The following HAVCR1 variants were observed in gnomAD, a reference collection of about 807,000 sequenced individuals.
HAVCR1 encodes the protein T cell immunoglobin domain and mucin domain protein 1.
A neutral mutation model predicts 32.0 loss-of-function variants in HAVCR1; 34 were observed. The observed-to-expected ratio is 1.06, with a 90% CI of 0.81 to 1.42. HAVCR1 has a LOEUF of 1.42. Among genes scored for constraint, HAVCR1 ranks in the 40% most tolerant of loss-of-function variants. The pLI is 0.00. For missense variants in HAVCR1, 420 were observed against 442.3 expected, an observed-to-expected ratio of 0.95 and a Z score of 0.45; for synonymous variants, 178 against 170.3, an observed-to-expected ratio of 1.05 and a Z score of -0.35.
chr5:157,057,399 G>C (rs1756242462), intron 2 of HAVCR1, among the ~76,000 whole-genome samples: 1 of 29,622 alleles, frequency 3.4e-5, no homozygotes, highest in Non-Finnish European at 8.7e-5. Flanking sequence ...AAGAAAGAAA[G>C]AAAGAAAGAA....
intron 3 of HAVCR1, among the ~76,000 whole-genome samples, chr5:157,054,205 A>T (rs924854302): frequency 6.6e-6 from 1 of 151,128 alleles, no homozygotes; most frequent in Non-Finnish European, 1.5e-5. Context: ...AAAAAAAAAA[A>T]AAAAAAAACA....
chr5:157,048,448 A>T (rs1440690662), intron 5 of HAVCR1, among the ~76,000 whole-genome samples: 1 of 152,224 alleles, frequency 6.6e-6, no homozygotes, highest in Non-Finnish European at 1.5e-5. Flanking sequence ...TATATTTATC[A>T]CTTACCCCCT....
At chr5:157,038,557 T>A (rs145464242) in intron 6 of HAVCR1, among the ~76,000 whole-genome samples, 57 of 152,322 alleles carry the variant, frequency 3.7e-4, no homozygotes, top group Middle Eastern at 3.4e-3. Flanking sequence ...ATAGGGTTCT[T>A]TGCAAGGGTA....
the HAVCR1 span, among the ~76,000 whole-genome samples, chr5:157,068,801 G>A: frequency 1.3e-4 from 20 of 151,848 alleles, no homozygotes; most frequent in African/African-American, 3.6e-4. Flanking sequence ...TTTTTCAGGC[G>A]GATCTCACTA....
intron 7 of HAVCR1, among the ~76,000 whole-genome samples, chr5:157,036,099 T>C (rs1279419935): frequency 1.3e-5 from 2 of 152,140 alleles, no homozygotes; most frequent in Non-Finnish European, 2.9e-5. Context: ...TCCTAGAACT[T>C]TGGGAGGCCG....
chr5:157,059,700 C>A (rs1447591029), upstream of HAVCR1, among the ~76,000 whole-genome samples: 2 of 152,036 alleles, frequency 1.3e-5, no homozygotes, highest in African/African-American at 2.4e-5. Context: ...AAATTCATTT[C>A]TTGCCAGGCA....
the HAVCR1 span, among the ~76,000 whole-genome samples, chr5:157,066,521 A>AAAG: frequency 6.9e-6 from 1 of 144,222 alleles, no homozygotes. Context: ...AAAAAATAAA[A>AAAG]GTTTTGCAAA....
intron 1 of HAVCR1, chr5:157,058,514 G>C (rs1273587056): frequency 6.6e-6 from 1 of 152,620 alleles, no homozygotes; most frequent in Non-Finnish European, 1.5e-5. Context: ...GCGGTGAGCC[G>C]AGATCGCGCC....
chr5:157,034,704 T>C (rs1335466449), intron 7 of HAVCR1, among the ~76,000 whole-genome samples: 2 of 152,044 alleles, frequency 1.3e-5, no homozygotes, highest in African/African-American at 4.8e-5. Flanking sequence ...CGCAGTGCAT[T>C]TTGTCCCTGG....
intron 2 of HAVCR1, among the ~76,000 whole-genome samples, chr5:157,057,648 G>GAC (rs1184968384): frequency 2.0e-4 from 30 of 152,252 alleles, no homozygotes; most frequent in Admixed American, 1.9e-3. Flanking sequence ...GGCAGCCTGT[G>GAC]ACACACTGTG....
chr5:157,057,801 T>C, intron 2 of HAVCR1, 97 bp downstream of exon 2: 1 of 858,432 alleles, frequency 1.2e-6, no homozygotes, highest in Non-Finnish European at 2.0e-6. Flanking sequence ...TCTACATTAA[T>C]CCACCACCAC....
intron 8 of HAVCR1, among the ~76,000 whole-genome samples, chr5:157,030,359 G>C (rs1289593340): frequency 6.6e-6 from 1 of 152,178 alleles, no homozygotes; most frequent in Non-Finnish European, 1.5e-5. Context: ...GTATACACTG[G>C]ATCATAGTGT....
chr5:157,053,382 TA>T (rs10654856), intron 3 of HAVCR1, among the ~76,000 whole-genome samples: 24 of 116,774 alleles, frequency 2.1e-4, no homozygotes, highest in Non-Finnish European at 2.2e-4. Context: ...GACCCTGTCT[TA>T]AAAAAAAAAA....
chr5:157,041,927 C>T (rs965609151), intron 6 of HAVCR1, among the ~76,000 whole-genome samples: 9 of 151,940 alleles, frequency 5.9e-5, no homozygotes, highest in Non-Finnish European at 1.0e-4. Context: ...GGCGTGGTGG[C>T]GTGCGCCTGT....
At chr5:157,058,821 T>C (rs538334737) in intron 1 of HAVCR1, 100 bp downstream of exon 1, 3 of 152,338 alleles carry the variant, frequency 2.0e-5, no homozygotes, top group South Asian at 4.1e-4. Flanking sequence ...TCACTGTGCC[T>C]AACCTTTCAT....
chr5:157,056,090 C>T (rs1251269528), intron 2 of HAVCR1, among the ~76,000 whole-genome samples: 1 of 151,868 alleles, frequency 6.6e-6, no homozygotes, highest in African/African-American at 2.4e-5. Context: ...GCTGGGATTA[C>T]AGGCACATGC....
upstream of HAVCR1, among the ~76,000 whole-genome samples, chr5:157,061,187 C>T (rs1045488091): frequency 1.8e-4 from 28 of 152,254 alleles, no homozygotes. Flanking sequence ...TGTGAGCCGC[C>T]ATGCCTGGCC....
chr5:157,042,633 A>G lies in HAVCR1; in HGVS notation c.831T>C (p.Asn277=), dbSNP rs777837658. The part of the protein sequence containing the change: ...TESSDGLWNN[N]QTQLFLEHSL... ...TAGGGCGGAATATGCTTACAGTTTGATTGTTATTCCAAAGGCCATCTGAAG... is the reference window on the plus strand; with the variant it reads ...TAGGGCGGAATATGCTTACAGTTTGGTTGTTATTCCAAAGGCCATCTGAAG... Residue 277 remains asparagine (N), a synonymous_variant, in exon 6 of 9, where the codon AAT becomes AAC. Transcript: ENST00000523175. The G allele has an allele frequency of 2.5e-6, 4 of 1,586,430 alleles. No individual in the cohort carries two copies. The highest frequency in any genetic ancestry group is 3.5e-6 in the Non-Finnish European group (4 of 1,155,962).
intron 7 of HAVCR1, among the ~76,000 whole-genome samples, chr5:157,033,577 C>T (rs903409948): frequency 1.9e-3 from 3 of 1,616 alleles, no homozygotes; most frequent in Non-Finnish European, 4.1e-3. Context: ...AGGGCGGGGG[C>T]GGGGGCGGGT....
Sources: gnomAD v4.1 joint callset for allele counts (sites outside exome capture counted in the v4.1 genomes callset) on GRCh38, gnomAD v4.1.1 for gene constraint, MANE v1.5 for transcripts, NCBI Gene and HGNC (gene_info 2026-07-23, HGNC 2026-07-21) for gene names.